The following DNAH5 variants were observed in gnomAD, a reference collection of about 807,000 sequenced individuals.
DNAH5 encodes the protein axonemal beta dynein heavy chain 5.
DNAH5 carries 372 observed loss-of-function variants against 518.2 expected under a neutral mutation model. The observed-to-expected ratio is 0.72, with a 90% CI of 0.66 to 0.78. The LOEUF (loss-of-function observed/expected upper bound fraction) is 0.78. DNAH5 is among the 30% of genes least tolerant of loss of function. The pLI is 0.00. For missense variants in DNAH5, 5,523 were observed against 5,687.0 expected (o/e 0.97, Z 0.93); for synonymous variants, 2,039 against 2,025.9 (o/e 1.01, Z -0.17).
intron 65 of DNAH5, among the ~76,000 whole-genome samples, chr5:13,750,209 T>G (rs1166472494): frequency 6.6e-6 from 1 of 152,122 alleles, no homozygotes; most frequent in East Asian, 1.9e-4. Flanking sequence ...TGTATTAACA[T>G]AAATAATCTT....
chr5:13,943,039 T>C (rs539446099), intron 1 of DNAH5, among the ~76,000 whole-genome samples: 1 of 152,270 alleles, frequency 6.6e-6, no homozygotes, highest in East Asian at 1.9e-4. Context: ...CAAACCAGCA[T>C]CCTAAATATA....
At chr5:13,919,048 A>T in intron 7 of DNAH5, 128 bp downstream of exon 7, 1 of 1,164,648 alleles carries the variant, frequency 8.6e-7, no homozygotes, top group South Asian at 1.3e-5. Context: ...GGGAAGTATT[A>T]TGTAATTTTA....
At chr5:13,750,269 T>A (rs1277573340) in intron 65 of DNAH5, among the ~76,000 whole-genome samples, 1 of 152,184 alleles carries the variant, frequency 6.6e-6, no homozygotes, top group Non-Finnish European at 1.5e-5. Context: ...CTCATTATTA[T>A]CGAACCCAGG....
At chr5:13,839,144 C>T (rs1165258142) in intron 35 of DNAH5, among the ~76,000 whole-genome samples, 1 of 152,194 alleles carries the variant, frequency 6.6e-6, no homozygotes, top group Non-Finnish European at 1.5e-5. Flanking sequence ...TAAACTCTGC[C>T]TCTATAAGAC....
chr5:13,906,942 A>T (rs1270020326), intron 12 of DNAH5, among the ~76,000 whole-genome samples: 1 of 152,206 alleles, frequency 6.6e-6, no homozygotes, highest in African/African-American at 2.4e-5. Context: ...AACAGAATAA[A>T]TTCCAAAGAA....
At chr5:13,872,877 T>C (rs1031682069) in intron 22 of DNAH5, among the ~76,000 whole-genome samples, 1 of 151,868 alleles carries the variant, frequency 6.6e-6, no homozygotes, top group Non-Finnish European at 1.5e-5. Flanking sequence ...TTCTCACTCA[T>C]AAGTTAGTGC....
intron 1 of DNAH5, among the ~76,000 whole-genome samples, chr5:13,956,138 T>A (rs1315447263): frequency 2.6e-5 from 4 of 152,210 alleles, no homozygotes; most frequent in African/African-American, 9.6e-5. Flanking sequence ...CAAGAATCTG[T>A]TCCCATGGCC....
In DNAH5 at chr5:13,883,208, AT is replaced by A. The variant is rs2151939009; in HGVS notation, c.2984-115del. On this transcript the variant is annotated intron_variant, in intron 19 of 78. Coordinates refer to ENST00000265104, the MANE Select transcript of DNAH5 (RefSeq NM_001369.3). ...ATAATAGGTATAAAATCTAATAAAT[AT>A]TTGTTGAATGAATGAGTCAATTAAA... is the stretch of plus-strand genomic sequence containing the variant. The A allele has an allele frequency of 5.4e-6, 6 of 1,118,520 alleles. No homozygotes were observed. The South Asian group carries it at 8.0e-5, about 15-fold the overall frequency. 69.3% of individuals were successfully genotyped at this position (1,118,520 alleles called of 1,614,324 possible).
rs373731772 is a variant in DNAH5, at chr5:13,690,734, T to C, written c.*1250A>G. Reference sequence around the variant, plus strand: ...AGTAGGTTAGATGAAGAATTATTAATAACATCTAACCAGAATTTAAAGAAA... The same window carrying C: ...AGTAGGTTAGATGAAGAATTATTAACAACATCTAACCAGAATTTAAAGAAA... On this transcript the variant is annotated 3_prime_UTR_variant, in exon 79 of 79. Transcript: ENST00000265104. 1 of 152,240 alleles carries C rather than the reference T, an allele frequency of 6.6e-6. No homozygotes were observed. The highest frequency in any genetic ancestry group is 2.4e-5 in the African/African-American group (1 of 41,466). 9.4% of individuals were successfully genotyped at this position (152,240 alleles called of 1,614,324 possible).
At chr5:13,713,434 C>CATATATATATATATATATAT (rs200836910) in intron 75 of DNAH5, among the ~76,000 whole-genome samples, 6 of 70,654 alleles carry the variant, frequency 8.5e-5, no homozygotes, top group African/African-American at 2.9e-4. Flanking sequence ...TATACATCGA[C>CATATATATATATATATATAT]ATATATATAT....
chr5:13,762,668 C>A (rs537164976), intron 60 of DNAH5, 54 bp downstream of exon 60: 424 of 1,526,840 alleles, frequency 2.8e-4, no homozygotes, highest in Middle Eastern at 5.1e-4. Flanking sequence ...TAAGACGGGT[C>A]GACCTGGAGA....
intron 44 of DNAH5, 179 bp from the exon 45 acceptor site, chr5:13,810,439 C>G: frequency 1.5e-6 from 1 of 681,112 alleles, no homozygotes; most frequent in Non-Finnish European, 2.6e-6. Flanking sequence ...TAGCAAGCTG[C>G]CTTTAAACAT....
intron 61 of DNAH5, among the ~76,000 whole-genome samples, chr5:13,756,620 A>G (rs933243614): frequency 3.9e-5 from 6 of 152,254 alleles, no homozygotes; most frequent in African/African-American, 1.4e-4. Context: ...AGATTCTTTC[A>G]GACTGCCATA....
intron 49 of DNAH5, among the ~76,000 whole-genome samples, chr5:13,793,281 G>T (rs1757287026): frequency 6.6e-6 from 1 of 152,064 alleles, no homozygotes; most frequent in Non-Finnish European, 1.5e-5. Context: ...TAAGAAGTTA[G>T]AAACAGTTAA....
At chr5:13,907,893 T>G (rs1775523330) in intron 12 of DNAH5, among the ~76,000 whole-genome samples, 2 of 152,234 alleles carry the variant, frequency 1.3e-5, no homozygotes, top group South Asian at 4.1e-4. Context: ...GAGACATTAA[T>G]TGATGTAGTA....
At chr5:13,839,268 T>A in intron 35 of DNAH5, 88 bp downstream of exon 35, 1 of 1,224,202 alleles carries the variant, frequency 8.2e-7, no homozygotes, top group Non-Finnish European at 1.2e-6. Flanking sequence ...ATAAAGAGCC[T>A]ATAAACCCTA....
intron 22 of DNAH5, among the ~76,000 whole-genome samples, chr5:13,876,035 T>A (rs1287083763): frequency 1.3e-5 from 2 of 152,192 alleles, no homozygotes; most frequent in African/African-American, 4.8e-5. Flanking sequence ...ACTGGCCATG[T>A]GAATTAGAAG....
Position 13,919,307 on chromosome 5 carries a change from C to G in DNAH5, c.844G>C (p.Gly282Arg), listed in dbSNP as rs1329705763. The change falls in exon 7 of 79, where the codon GGG becomes CGG. Residue 282 changes from glycine to arginine, a missense_variant. By Grantham distance (125) the Gly-to-Arg change is moderately radical (BLOSUM62 -2). Coordinates refer to ENST00000265104, the MANE Select transcript of DNAH5 (RefSeq NM_001369.3). The stretch of plus-strand genomic sequence containing the variant: ...CAGTGCTCCAGCTCCGCTCGTGGCC[C>G]AACGTCATCCGCTTCCTTCAGCAGC... Reference protein sequence around the residue: ...NQLLKEADDVGPRAELEHWKK... With the variant: ...NQLLKEADDVRPRAELEHWKK... 1 of 1,614,132 alleles carries G rather than the reference C, an allele frequency of 6.2e-7. No homozygotes were observed. The highest frequency in any genetic ancestry group is 1.1e-5 in the South Asian group (1 of 91,078).
At chr5:13,735,001 A>G (rs1747163940) in intron 68 of DNAH5, 130 bp downstream of exon 68, 1 of 816,196 alleles carries the variant, frequency 1.2e-6, no homozygotes. Flanking sequence ...GAACAAATAA[A>G]ATATCTCATC....
Sources: allele counts gnomAD v4.1 joint callset (sites outside exome capture counted in the v4.1 genomes callset), GRCh38; gene constraint gnomAD v4.1.1; transcripts MANE v1.5; gene names NCBI Gene and HGNC (gene_info 2026-07-23, HGNC 2026-07-21).